Variants in COBL observed in about 807,000 individuals in gnomAD.
COBL encodes cordon-bleu WH2 repeat protein, also known as protein cordon-bleu.
Under a neutral mutation model 98.8 loss-of-function variants are expected in COBL, and 51 were observed. The observed-to-expected ratio is 0.52, with a 90% CI of 0.41 to 0.65. COBL has a LOEUF of 0.65. Ranked by LOEUF, COBL falls within the 30% of genes least tolerant of loss-of-function variation. COBL has a pLI of 0.00. For missense variants in COBL, 1,617 were observed against 1,617.5 expected, an observed-to-expected ratio of 1.00 and a Z score of 0.01; for synonymous variants, 634 against 651.7, an observed-to-expected ratio of 0.97 and a Z score of 0.41.
At chr7:51,279,859 T>C (rs1257269523) in intron 1 of COBL, among the ~76,000 whole-genome samples, 1 of 152,250 alleles carries the variant, frequency 6.6e-6, no homozygotes, top group African/African-American at 2.4e-5. Flanking sequence ...GTTGGAATCA[T>C]ACAGCATGTG....
chr7:51,279,478 CT>C (rs1441906977), intron 1 of COBL, among the ~76,000 whole-genome samples: 3 of 152,060 alleles, frequency 2.0e-5, no homozygotes, highest in Non-Finnish European at 4.4e-5. Context: ...AGACTTTTTT[CT>C]TTTAGCAGTT....
At chr7:51,107,791 T>C (rs1019952748) in intron 6 of COBL, among the ~76,000 whole-genome samples, 21 of 152,094 alleles carry the variant, frequency 1.4e-4, no homozygotes, top group Non-Finnish European at 2.6e-4. Context: ...CCCTGGGGAA[T>C]ACAAGATGCC....
chr7:51,296,525 C>T (rs1161191879), intron 1 of COBL, among the ~76,000 whole-genome samples: 1 of 151,990 alleles, frequency 6.6e-6, no homozygotes, highest in Non-Finnish European at 1.5e-5. Context: ...AGTTATTTTA[C>T]ACAAGTTAAA....
intron 8 of COBL, among the ~76,000 whole-genome samples, chr7:51,040,316 G>C (rs936231276): frequency 1.3e-5 from 2 of 151,736 alleles, no homozygotes; most frequent in African/African-American, 2.4e-5. Flanking sequence ...CAAGGGCAGA[G>C]TCAATCCCAA....
At chr7:51,216,044 C>T (rs1244799644) in intron 2 of COBL, among the ~76,000 whole-genome samples, 5 of 152,258 alleles carry the variant, frequency 3.3e-5, no homozygotes, top group Non-Finnish European at 7.3e-5. Flanking sequence ...TTCCTCTCTT[C>T]TGCAAAAGGA....
intron 5 of COBL, among the ~76,000 whole-genome samples, chr7:51,137,213 G>A (rs970989954): frequency 6.6e-6 from 1 of 152,136 alleles, no homozygotes; most frequent in Non-Finnish European, 1.5e-5. Context: ...GCAGTATAGG[G>A]GTTAAGCCCA....
chr7:51,103,730 T>C (rs997692230), intron 6 of COBL, among the ~76,000 whole-genome samples: 7 of 152,214 alleles, frequency 4.6e-5, no homozygotes, highest in African/African-American at 1.7e-4. Flanking sequence ...CACATTACAA[T>C]AATATTACAA....
At chr7:51,285,103 C>T (rs1800214500) in intron 1 of COBL, among the ~76,000 whole-genome samples, 1 of 151,956 alleles carries the variant, frequency 6.6e-6, no homozygotes, top group Non-Finnish European at 1.5e-5. Flanking sequence ...CGTGCCAGCA[C>T]ACCTGGCTAA....
intron 1 of COBL, among the ~76,000 whole-genome samples, chr7:51,235,243 A>T (rs1795140221): frequency 1.3e-5 from 2 of 152,222 alleles, no homozygotes; most frequent in Admixed American, 1.3e-4. Flanking sequence ...AACCCCTCTC[A>T]GTTTTATATC....
chr7:51,215,837 C>G (rs1374540451), intron 2 of COBL, among the ~76,000 whole-genome samples: 3 of 152,236 alleles, frequency 2.0e-5, no homozygotes, highest in Non-Finnish European at 4.4e-5. Flanking sequence ...CTCCCAGCCT[C>G]CCTTCCCTTG....
chr7:51,223,807 G>T (rs188796426), intron 1 of COBL, among the ~76,000 whole-genome samples: 2 of 152,240 alleles, frequency 1.3e-5, no homozygotes, highest in East Asian at 3.9e-4. Flanking sequence ...AATATGCCCA[G>T]GTCCTATCAT....
intron 1 of COBL, among the ~76,000 whole-genome samples, chr7:51,270,240 T>C (rs1264041577): frequency 1.3e-5 from 2 of 152,142 alleles, no homozygotes; most frequent in African/African-American, 4.8e-5. Flanking sequence ...AAAGATTTCT[T>C]TATACGGCCC....
At chr7:51,116,265 T>C (rs928010976) in intron 6 of COBL, among the ~76,000 whole-genome samples, 2 of 152,172 alleles carry the variant, frequency 1.3e-5, no homozygotes, top group African/African-American at 4.8e-5. Flanking sequence ...TCTCTGTTCT[T>C]ACTTTACTTT....
rs1307426080 is a variant in COBL at position 51,282,929 on chromosome 7, T to C, written c.41+33664A>G. ...TAAAATCTATAAACACTTGGAAATG[T>C]AATCATATATGACTACAGAATGCAT... On this transcript the variant is annotated intron_variant, in intron 1 of 12. Coordinates refer to ENST00000265136, the MANE Select transcript of COBL (RefSeq NM_015198.5). 2.6e-5 allele frequency among the ~76,000 whole-genome samples: 4 copies of C among 152,118 alleles called. No homozygotes were observed. The East Asian group carries it at 7.7e-4, about 29-fold the overall frequency.
intron 6 of COBL, among the ~76,000 whole-genome samples, chr7:51,088,828 C>A (rs1325107570): frequency 6.6e-6 from 1 of 152,224 alleles, no homozygotes; most frequent in Non-Finnish European, 1.5e-5. Flanking sequence ...GGAAGCCCAG[C>A]TCCTGCCTGA....
chr7:51,281,253 C>A (rs1216882353), intron 1 of COBL, among the ~76,000 whole-genome samples: 2 of 152,066 alleles, frequency 1.3e-5, no homozygotes, highest in Non-Finnish European at 2.9e-5. Context: ...ATCTGAACAA[C>A]ATAAAGAGGA....
chr7:51,235,060 AC>A (rs1053482707), intron 1 of COBL, among the ~76,000 whole-genome samples: 102 of 152,252 alleles, frequency 6.7e-4, no homozygotes, highest in African/African-American at 2.4e-3. Flanking sequence ...AGCCCTCACA[AC>A]GCTCATGCCT....
At position 51,051,529 on chromosome 7, in the gene COBL, T is replaced by C. The variant is rs1304790192; in HGVS notation, c.1097-7837A>G. 3.3e-5 allele frequency among the ~76,000 whole-genome samples: 5 copies of C among 152,366 alleles called. No homozygotes were observed. In the East Asian group the frequency reaches 7.7e-4, roughly 23 times the overall value. ...TTAACTCTACTTCCTTTGGAGTAAA[T>C]TTCTCTGACCACTTTGTTGTCCTTC... On this transcript the variant is annotated intron_variant, in intron 7 of 12. Transcript: ENST00000265136.
At chr7:51,288,567 A>T (rs923280028) in intron 1 of COBL, among the ~76,000 whole-genome samples, 1 of 152,066 alleles carries the variant, frequency 6.6e-6, no homozygotes, top group African/African-American at 2.4e-5. Context: ...AGCCTGGCCA[A>T]CATGGTGAAA....
Sources: gnomAD v4.1 joint callset for allele counts (sites outside exome capture counted in the v4.1 genomes callset) on GRCh38, gnomAD v4.1.1 for gene constraint, MANE v1.5 for transcripts, NCBI Gene and HGNC (gene_info 2026-07-23, HGNC 2026-07-21) for gene names.